BCORL1: variants seen among roughly 807,000 people sequenced by gnomAD.
The protein encoded by BCORL1 is BCL-6 corepressor-like protein 1.
A neutral mutation model predicts 87.6 loss-of-function variants in BCORL1; 7 were observed. The ratio of observed to expected loss-of-function variants is 0.08; its 90% CI spans 0.05 to 0.15. The LOEUF (loss-of-function observed/expected upper bound fraction) is 0.15, where lower values mean the gene tolerates loss of function less well. Ranked by LOEUF, BCORL1 falls within the 10% of genes least tolerant of loss-of-function variation. BCORL1 has a pLI of 1.00. For missense variants in BCORL1, 1,215 were observed against 1,499.7 expected (o/e 0.81, Z 3.13); for synonymous variants, 591 against 634.4 (o/e 0.93, Z 1.03).
upstream of BCORL1, among the ~76,000 whole-genome samples, chrX:129,982,029 C>T (rs891875816): frequency 9.1e-6 from 1 of 109,983 alleles, no homozygotes; most frequent in Non-Finnish European, 1.9e-5. Flanking sequence ...CTCCGCTGCC[C>T]GGCAGAGGAG....
chrX:129,989,488 A>G (rs1926923966), intron 1 of BCORL1, among the ~76,000 whole-genome samples: 3 of 55,854 alleles, frequency 5.4e-5, no homozygotes, highest in Admixed American at 6.0e-4. Context: ...TTTTAACCGG[A>G]GACAGTCTAG....
At chrX:129,984,448 G>A (rs1404577005) in intron 1 of BCORL1, among the ~76,000 whole-genome samples, 1 of 111,367 alleles carries the variant, frequency 9.0e-6, no homozygotes, top group South Asian at 3.7e-4. Context: ...AGAAGGAAGG[G>A]GGGTGTGGGT....
chrX:130,041,874 G>A (rs777911376), intron 11 of BCORL1, among the ~76,000 whole-genome samples: 3 of 111,776 alleles, frequency 2.7e-5, no homozygotes, highest in Non-Finnish European at 5.7e-5. Flanking sequence ...TGATCCGCCC[G>A]CCTCGGCCTC....
intron 9 of BCORL1, 31 bp downstream of exon 9, chrX:130,034,707 C>T: frequency 1.1e-6 from 1 of 940,692 alleles, no homozygotes. Flanking sequence ...CCACAGGGCG[C>T]CGTTGGTCTG....
chrX:129,999,796 T>TC (rs1372856024), intron 1 of BCORL1, among the ~76,000 whole-genome samples: 2 of 109,477 alleles, frequency 1.8e-5, no homozygotes, highest in East Asian at 5.8e-4. Flanking sequence ...TGCATCAGCC[T>TC]CCGAGTAGCT....
At chrX:130,044,998 G>A (rs973017077) in intron 11 of BCORL1, among the ~76,000 whole-genome samples, 12 of 111,922 alleles carry the variant, frequency 1.1e-4, no homozygotes, top group South Asian at 3.7e-4. Flanking sequence ...TTATTCATTC[G>A]TTCATCCGTC....
chrX:130,031,532 C>T (rs1477274425), intron 8 of BCORL1, among the ~76,000 whole-genome samples: 1 of 112,114 alleles, frequency 8.9e-6, no homozygotes, highest in Non-Finnish European at 1.9e-5. Flanking sequence ...GCCTATAATC[C>T]CAGCACTTTG....
intron 11 of BCORL1, among the ~76,000 whole-genome samples, 172 bp from the exon 12 acceptor site, chrX:130,050,545 G>A (rs912023321): frequency 9.0e-6 from 1 of 110,928 alleles, no homozygotes; most frequent in Non-Finnish European, 1.9e-5. Flanking sequence ...TCCCCTTGTT[G>A]GCAGTCTCTG....
intron 1 of BCORL1, among the ~76,000 whole-genome samples, chrX:129,991,314 T>C (rs895924875): frequency 9.0e-6 from 1 of 110,723 alleles, no homozygotes; most frequent in African/African-American, 3.3e-5. Flanking sequence ...GAGATGGGGT[T>C]TTGCCATGTT....
At position 130,015,726 on chromosome X, in the gene BCORL1, A is replaced by G. The variant is rs779877404; in HGVS notation, c.2954A>G (p.Gln985Arg). ...KLAGDTKPKN[Q>R]VLATYMSHEL... ...GCAGGAGACACGAAGCCTAAGAACCAAGTGCTGGCCACCTACATGTCCCAT... is the reference window on the plus strand; with the variant it reads ...GCAGGAGACACGAAGCCTAAGAACCGAGTGCTGGCCACCTACATGTCCCAT... Residue 985 changes from glutamine to arginine, a missense_variant, in exon 4 of 14, where the codon CAA becomes CGA. Physicochemically the swap from Gln to Arg is conservative, Grantham distance 43. Coordinates refer to ENST00000540052, the MANE Select transcript of BCORL1 (RefSeq NM_001379451.1). The G allele has an allele frequency of 5.0e-6, 6 of 1,211,837 alleles. No individual in the cohort carries two copies. In the Admixed American group the frequency reaches 1.3e-4, roughly 26 times the overall value.
Position 130,039,183 on chromosome X carries a change from C to T in BCORL1, c.4741C>T (p.Leu1581Phe), listed in dbSNP as rs754784544. The T allele has an allele frequency of 6.6e-6, 8 of 1,211,486 alleles. No homozygotes were observed. In the South Asian group the frequency reaches 1.2e-4, roughly 19 times the overall value. The change falls in exon 11 of 14, where the codon CTC (leucine) becomes TTC (phenylalanine). Residue 1581 changes from leucine to phenylalanine, a missense_variant. Transcript: ENST00000540052. Reference protein sequence around the residue: ...VVNDNLETIWLLLSYGADPTL... With the variant: ...VVNDNLETIWFLLSYGADPTL... Reference sequence around the variant, plus strand: ...CAATGACAACCTGGAGACCATCTGGCTCCTGCTGTCCTATGGGGCCGATCC... The same window carrying T: ...CAATGACAACCTGGAGACCATCTGGTTCCTGCTGTCCTATGGGGCCGATCC...
Position 130,014,446 on chromosome X carries a change from C to G in BCORL1, c.1674C>G (p.Ala558=). 3 of 1,211,630 alleles carry G rather than the reference C, an allele frequency of 2.5e-6. No homozygotes were observed. The highest frequency in any genetic ancestry group is 3.4e-6 in the Non-Finnish European group (3 of 895,445). ...ATACCTCCCTTGTTACTGCTTCTGCCAAGGTGCTTCCAACTCCACAGCCTC... is the reference window on the plus strand; with the variant it reads ...ATACCTCCCTTGTTACTGCTTCTGCGAAGGTGCTTCCAACTCCACAGCCTC... ...LADTSLVTAS[A]KVLPTPQPLL... Residue 558 remains alanine, a synonymous_variant, in exon 4 of 14, where the codon GCC becomes GCG. Coordinates refer to ENST00000540052, the MANE Select transcript of BCORL1 (RefSeq NM_001379451.1).
intron 11 of BCORL1, among the ~76,000 whole-genome samples, chrX:130,048,878 T>G (rs1423248090): frequency 8.9e-6 from 1 of 112,487 alleles, no homozygotes; most frequent in Non-Finnish European, 1.9e-5. Context: ...GGCTTGCCTC[T>G]TCTGGACATT....
chrX:130,022,411 C>A (rs1239575913), intron 5 of BCORL1, among the ~76,000 whole-genome samples: 1 of 108,044 alleles, frequency 9.3e-6, no homozygotes, highest in African/African-American at 3.4e-5. Flanking sequence ...CCACGCCCGG[C>A]GAATTTTTGT....
intron 1 of BCORL1, among the ~76,000 whole-genome samples, chrX:129,990,330 C>G (rs1354078087): frequency 9.0e-6 from 1 of 110,925 alleles, no homozygotes; most frequent in Non-Finnish European, 1.9e-5. Flanking sequence ...CTCCTGGATT[C>G]ACGCCATCCT....
chrX:130,029,209 G>T (rs1484442305), intron 8 of BCORL1, among the ~76,000 whole-genome samples: 2 of 111,641 alleles, frequency 1.8e-5, no homozygotes, highest in East Asian at 5.6e-4. Context: ...AACTTTCTGA[G>T]TCAATCAAGG....
intron 12 of BCORL1, among the ~76,000 whole-genome samples, chrX:130,051,221 G>C (rs1229552464): frequency 8.9e-6 from 1 of 112,380 alleles, no homozygotes; most frequent in Non-Finnish European, 1.9e-5. Context: ...AATAGCTACT[G>C]TCTTCGGAGC....
rs368475246 is a variant in BCORL1, at chrX:130,015,108, C to A, written c.2336C>A (p.Pro779Gln). ...AGCCAGGCTGGTGCTGAGGGACAGCCAAGCACAGTGAAACGATATACTCCA... is the reference window on the plus strand; with the variant it reads ...AGCCAGGCTGGTGCTGAGGGACAGCAAAGCACAGTGAAACGATATACTCCA... ...KGSQAGAEGQPSTVKRYTPAR... is the reference protein window; with the variant it reads ...KGSQAGAEGQQSTVKRYTPAR... Residue 779 changes from proline (P) to glutamine (Q), a missense_variant, in exon 4 of 14, where the codon CCA becomes CAA. Coordinates refer to ENST00000540052, the MANE Select transcript of BCORL1 (RefSeq NM_001379451.1). 14 of 1,211,002 alleles carry A rather than the reference C, an allele frequency of 1.2e-5. No homozygotes were observed. The highest frequency in any genetic ancestry group is 6.5e-5 in the Admixed American group (3 of 45,965).
chrX:130,023,959 A>G (rs894502347), intron 6 of BCORL1, among the ~76,000 whole-genome samples: 1 of 112,228 alleles, frequency 8.9e-6, no homozygotes, highest in Non-Finnish European at 1.9e-5. Flanking sequence ...TACTTACTCT[A>G]TTTGCCTCGA....
Sources: allele counts gnomAD v4.1 joint callset (sites outside exome capture counted in the v4.1 genomes callset), GRCh38; gene constraint gnomAD v4.1.1; transcripts MANE v1.5; gene names NCBI Gene and HGNC (gene_info 2026-07-23, HGNC 2026-07-21).